The following ANKH variants were observed in gnomAD, a reference collection of about 807,000 sequenced individuals.
ANKH encodes the protein ANKH inorganic pyrophosphate transport regulator, also known as mineralization regulator ANKH.
Under a neutral mutation model 49.0 loss-of-function variants are expected in ANKH, and 15 were observed. That is an observed-to-expected ratio of 0.31 (90% CI 0.20 to 0.47). The LOEUF (loss-of-function observed/expected upper bound fraction) is 0.47, where lower values mean the gene tolerates loss of function less well. ANKH is among the 20% of genes least tolerant of loss of function. The pLI, the probability that ANKH is intolerant of heterozygous loss-of-function variation, is 1.00. For synonymous variants in ANKH, 273 were observed against 260.0 expected, an observed-to-expected ratio of 1.05 and a Z score of -0.48; for missense variants, 429 against 652.0, an observed-to-expected ratio of 0.66 and a Z score of 3.72.
intron 1 of ANKH, among the ~76,000 whole-genome samples, chr5:14,867,546 G>T (rs1735682577): frequency 6.6e-6 from 1 of 152,024 alleles, no homozygotes; most frequent in East Asian, 1.9e-4. Flanking sequence ...AAAAGGAGAT[G>T]TGTTCCCATT....
chr5:14,815,532 T>TCCA (rs1413247257), intron 1 of ANKH, among the ~76,000 whole-genome samples: 12 of 152,206 alleles, frequency 7.9e-5, no homozygotes, highest in Non-Finnish European at 1.5e-4. Context: ...GATGTGGAGG[T>TCCA]CCACCAGGGT....
At chr5:14,862,865 A>C (rs999809462) in intron 1 of ANKH, among the ~76,000 whole-genome samples, 2 of 152,194 alleles carry the variant, frequency 1.3e-5, no homozygotes, top group African/African-American at 4.8e-5. Context: ...ATCTCTCTAG[A>C]ACAGACACAA....
intron 1 of ANKH, chr5:14,798,033 T>C (rs1364029835): frequency 4.4e-6 from 7 of 1,581,266 alleles, no homozygotes; most frequent in Non-Finnish European, 6.1e-6. Flanking sequence ...TTTTCCTTCA[T>C]GGTTGATCTT....
intron 8 of ANKH, among the ~76,000 whole-genome samples, chr5:14,730,393 T>C (rs1737959381): frequency 1.3e-5 from 2 of 152,150 alleles, no homozygotes; most frequent in Non-Finnish European, 2.9e-5. Context: ...GAGGCGAATA[T>C]GATCTAATAG....
At position 14,725,410 on chromosome 5, in the gene ANKH, G is replaced by T. The variant is rs540402640; in HGVS notation, c.1012-8575C>A. Among the ~76,000 whole-genome samples the T allele has an allele frequency of 6.6e-6, 1 of 152,308 alleles. No homozygotes were observed. The highest frequency in any genetic ancestry group is 2.4e-5 in the African/African-American group (1 of 41,556). On this transcript the variant is annotated intron_variant, in intron 8 of 11. Coordinates refer to ENST00000284268, the MANE Select transcript of ANKH (RefSeq NM_054027.6). This position sits in a 1 kb window ranked among gnomAD's most constrained non-coding sequence, Gnocchi z 4.0. Reference sequence around the variant, plus strand: ...AAGAAAGTCTTGCCATCCAAACAACGCCAGCTGAACTGGACATCATACCTG... The same window carrying T: ...AAGAAAGTCTTGCCATCCAAACAACTCCAGCTGAACTGGACATCATACCTG...
At chr5:14,832,745 C>T (rs1252303866) in intron 1 of ANKH, among the ~76,000 whole-genome samples, 2 of 152,060 alleles carry the variant, frequency 1.3e-5, no homozygotes, top group African/African-American at 2.4e-5. Flanking sequence ...TTACAAATAA[C>T]GATCTTTGTA....
At chr5:14,798,590 C>T (rs1048066144) in intron 1 of ANKH, among the ~76,000 whole-genome samples, 1 of 152,022 alleles carries the variant, frequency 6.6e-6, no homozygotes, top group Non-Finnish European at 1.5e-5. Context: ...CACTCTCTGT[C>T]TCTTTGTGTC....
intron 7 of ANKH, among the ~76,000 whole-genome samples, chr5:14,744,234 C>T (rs1055540700): frequency 6.6e-6 from 1 of 152,206 alleles, no homozygotes; most frequent in Non-Finnish European, 1.5e-5. Flanking sequence ...GAACCAAAAG[C>T]ATTTCTTAGG....
intron 1 of ANKH, among the ~76,000 whole-genome samples, chr5:14,814,538 T>G (rs1561067816): frequency 6.6e-6 from 1 of 152,124 alleles, no homozygotes; most frequent in Non-Finnish European, 1.5e-5. Context: ...CCTGGGAGGT[T>G]GAGGCTGCAG....
chr5:14,814,503 G>A (rs765171496), intron 1 of ANKH, among the ~76,000 whole-genome samples: 60 of 152,182 alleles, frequency 3.9e-4, no homozygotes, highest in Non-Finnish European at 7.3e-4. Flanking sequence ...CTACTCAGGA[G>A]GCTGAGGTGG....
intron 1 of ANKH, among the ~76,000 whole-genome samples, chr5:14,807,522 T>C (rs926775088): frequency 2.6e-5 from 4 of 152,342 alleles, no homozygotes; most frequent in Non-Finnish European, 5.9e-5. Flanking sequence ...ATCCTTAACC[T>C]GAACTGCTGT....
rs143591770 is a variant in ANKH, at chr5:14,777,818, T to C, written c.97-8627A>G. Among the ~76,000 whole-genome samples the C allele has an allele frequency of 5.2e-3, 787 of 152,298 alleles. 5 individuals are homozygous for C. Among genetic ancestry groups the C allele is most frequent in the African/African-American group, 0.018 (765 of 41,564 alleles). On this transcript the variant is annotated intron_variant, in intron 1 of 11. Coordinates refer to ENST00000284268, the MANE Select transcript of ANKH (RefSeq NM_054027.6). ...GGGAAACCTATGAAGCACTGATGTG[T>C]AGACAGATTATCTTTTGGGGTTCAG...
At chr5:14,855,831 G>GA (rs1205858076) in intron 1 of ANKH, among the ~76,000 whole-genome samples, 168 of 122,736 alleles carry the variant, frequency 1.4e-3, no homozygotes, top group Admixed American at 3.3e-3. Flanking sequence ...CCCTAAGGTG[G>GA]AAAAAAAAAA....
Position 14,745,124 on chromosome 5 carries a change from C to T in ANKH, c.915+746G>A, listed in dbSNP as rs914905253. 2.0e-5 allele frequency among the ~76,000 whole-genome samples: 3 copies of T among 152,156 alleles called. No individual in the cohort carries two copies. Among genetic ancestry groups the T allele is most frequent in the Non-Finnish European group, 4.4e-5 (3 of 68,032 alleles). Reference sequence around the variant, plus strand: ...TTCAAGGCACAACAGGTGCCCTTCACGGTAAGAAGTAGCAGTCTGTTTGCT... The same window carrying T: ...TTCAAGGCACAACAGGTGCCCTTCATGGTAAGAAGTAGCAGTCTGTTTGCT... On this transcript the variant is annotated intron_variant, in intron 7 of 11. Coordinates refer to ENST00000284268, the MANE Select transcript of ANKH (RefSeq NM_054027.6). This position sits in a 1 kb window ranked among gnomAD's most constrained non-coding sequence, Gnocchi z 4.7.
At chr5:14,746,026 T>C (rs1472032378) in intron 6 of ANKH, 64 bp from the exon 7 acceptor site, 3 of 1,380,330 alleles carry the variant, frequency 2.2e-6, no homozygotes, top group East Asian at 4.6e-5. Flanking sequence ...GGAGCTACAG[T>C]AGGTGACGAA....
chr5:14,734,322 T>C (rs529456213), intron 8 of ANKH, among the ~76,000 whole-genome samples: 4 of 151,544 alleles, frequency 2.6e-5, no homozygotes, highest in African/African-American at 9.7e-5. Context: ...CCCTAGCCAA[T>C]AGGGAAACAA....
intron 3 of ANKH, 116 bp from the exon 4 acceptor site, chr5:14,756,060 C>T (rs1738874747): frequency 1.2e-5 from 10 of 846,256 alleles, no homozygotes; most frequent in Non-Finnish European, 2.0e-5. Flanking sequence ...AAAGCCTTAG[C>T]AGCCCAGGTC....
At position 14,716,806 on chromosome 5, in the gene ANKH, G is replaced by T; in HGVS notation, c.1041C>A (p.Asn347Lys). The change falls in exon 9 of 12, where the codon AAC becomes AAA. Residue 347 changes from asparagine (N) to lysine (K), a missense_variant. Physicochemically the swap from Asn to Lys is moderately conservative, Grantham distance 94. Coordinates refer to ENST00000284268, the MANE Select transcript of ANKH (RefSeq NM_054027.6). ...TLCFVMFWTPNVSEKILIDII... is the reference protein window; with the variant it reads ...TLCFVMFWTPKVSEKILIDII... ...TGTCTATCAAGATTTTCTCAGACAC[G>T]TTGGGTGTCCAAAACATCACGAAAC... 1.9e-6 allele frequency: 3 copies of T among 1,614,070 alleles called. No homozygotes were observed. Among genetic ancestry groups the T allele is most frequent in the East Asian group, 2.2e-5 (1 of 44,870 alleles).
chr5:14,831,426 T>A (rs1402696450), intron 1 of ANKH, among the ~76,000 whole-genome samples: 1 of 152,142 alleles, frequency 6.6e-6, no homozygotes, highest in African/African-American at 2.4e-5. Context: ...GTTTCTCATA[T>A]CTCCGCACCT....
Sources: allele counts gnomAD v4.1 joint callset (sites outside exome capture counted in the v4.1 genomes callset), GRCh38; gene constraint gnomAD v4.1.1; non-coding constraint Gnocchi (gnomAD v3.1); transcripts MANE v1.5; gene names NCBI Gene and HGNC (gene_info 2026-07-23, HGNC 2026-07-21).